The following ADISSP variants were observed in gnomAD, a reference collection of about 807,000 sequenced individuals.
ADISSP encodes the protein adipose-secreted signaling protein.
the ADISSP span, among the ~76,000 whole-genome samples, chr20:3,757,352 GA>G: frequency 3.4e-5 from 5 of 147,342 alleles, no homozygotes; most frequent in East Asian, 2.0e-4. Flanking sequence ...GTCTCAAAAA[GA>G]AAAAAAAAAG....
the ADISSP span, chr20:3,758,818 AC>A: frequency 1.3e-6 from 1 of 765,942 alleles, no homozygotes; most frequent in African/African-American, 1.8e-5. The surrounding 1 kb of genome is among the most constrained non-coding windows in gnomAD (Gnocchi z 5.5). Context: ...CTAGATGGAC[AC>A]TAGGATCATG....
At chr20:3,765,932 C>T in the ADISSP span, among the ~76,000 whole-genome samples, 1 of 152,164 alleles carries the variant, frequency 6.6e-6, no homozygotes, top group East Asian at 1.9e-4. Context: ...GGAGTGTCAG[C>T]AAGCTTCCAG....
chr20:3,756,439 GGGTGCC>G, the ADISSP span, among the ~76,000 whole-genome samples: 8 of 23,148 alleles, frequency 3.5e-4, no homozygotes, highest in African/African-American at 1.0e-3. Flanking sequence ...GGGCTGGTGG[GGGTGCC>G]ACGCCAGCAG....
At chr20:3,759,874 CAGGGGTCCTGCT>C in the ADISSP span, 2 of 754,358 alleles carry the variant, frequency 2.7e-6, no homozygotes, top group East Asian at 5.2e-5. The surrounding 1 kb of genome is among the most constrained non-coding windows in gnomAD (Gnocchi z 4.6). Context: ...CAGGGCTCTG[CAGGGGTCCTGCT>C]AGGGCTTGCG....
At chr20:3,766,981 G>A in the ADISSP span, among the ~76,000 whole-genome samples, 1 of 152,082 alleles carries the variant, frequency 6.6e-6, no homozygotes, top group Non-Finnish European at 1.5e-5. Context: ...CACCGGGAGG[G>A]AGGTGCAGCC....
At chr20:3,766,799 T>G in the ADISSP span, among the ~76,000 whole-genome samples, 1 of 152,102 alleles carries the variant, frequency 6.6e-6, no homozygotes, top group Non-Finnish European at 1.5e-5. Context: ...GGGAGAGGGA[T>G]GGGGTGCTGC....
chr20:3,764,017 G>C, the ADISSP span, among the ~76,000 whole-genome samples: 42 of 152,326 alleles, frequency 2.8e-4, no homozygotes, highest in East Asian at 7.0e-3. Flanking sequence ...GGTGCAGGAA[G>C]TGGAGCTACA....
the ADISSP span, among the ~76,000 whole-genome samples, chr20:3,762,712 T>C: frequency 1.3e-5 from 2 of 152,238 alleles, no homozygotes; most frequent in African/African-American, 4.8e-5. Flanking sequence ...ACTTACATGT[T>C]GTCTGTTTTT....
At chr20:3,753,886 AGG>A in the ADISSP span, 1 of 613,406 alleles carries the variant, frequency 1.6e-6, no homozygotes, top group South Asian at 1.9e-5. Context: ...AGGACGAGGG[AGG>A]GGCAGGGTGG....
the ADISSP span, among the ~76,000 whole-genome samples, chr20:3,754,879 G>A: frequency 6.6e-6 from 1 of 152,190 alleles, no homozygotes; most frequent in African/African-American, 2.4e-5. Context: ...GCAGGGCAGG[G>A]TAGGCTTTGA....
chr20:3,760,791 C>T, the ADISSP span, among the ~76,000 whole-genome samples: 1 of 152,202 alleles, frequency 6.6e-6, no homozygotes, highest in South Asian at 2.1e-4. Flanking sequence ...CCCTGAGTCT[C>T]AGGCCTGCCT....
At chr20:3,764,717 G>A in the ADISSP span, among the ~76,000 whole-genome samples, 1 of 152,222 alleles carries the variant, frequency 6.6e-6, no homozygotes, top group African/African-American at 2.4e-5. Flanking sequence ...GCTGTGTTTG[G>A]TTTATGTTTG....
chr20:3,759,032 C>T, the ADISSP span, among the ~76,000 whole-genome samples: 1 of 152,318 alleles, frequency 6.6e-6, no homozygotes, highest in South Asian at 2.1e-4. The surrounding 1 kb of genome is among the most constrained non-coding windows in gnomAD (Gnocchi z 4.6). Flanking sequence ...CCTCTGGATA[C>T]CCTGCCCAGT....
the ADISSP span, among the ~76,000 whole-genome samples, chr20:3,760,409 G>A: frequency 3.3e-5 from 5 of 152,178 alleles, no homozygotes; most frequent in African/African-American, 1.2e-4. Flanking sequence ...GTGACTCAGG[G>A]TCCTGCCAGC....
the ADISSP span, among the ~76,000 whole-genome samples, chr20:3,761,378 C>T: frequency 6.6e-6 from 1 of 151,778 alleles, no homozygotes; most frequent in South Asian, 2.1e-4. Context: ...TCTTGTCACC[C>T]AGGCTGGGAT....
chr20:3,758,747 C>T, the ADISSP span: 64 of 1,499,582 alleles, frequency 4.3e-5, no homozygotes, highest in Non-Finnish European at 5.5e-5. This position sits in a 1 kb window ranked among gnomAD's most constrained non-coding sequence, Gnocchi z 5.5. Flanking sequence ...CTTGTCCCCT[C>T]GTCACCCCCA....
the ADISSP span, among the ~76,000 whole-genome samples, chr20:3,760,995 A>C: frequency 2.1e-4 from 32 of 152,180 alleles, no homozygotes; most frequent in Non-Finnish European, 4.4e-4. Flanking sequence ...CAAAACAAAC[A>C]AACCCAAGCC....
At chr20:3,760,978 G>A in the ADISSP span, among the ~76,000 whole-genome samples, 2 of 152,156 alleles carry the variant, frequency 1.3e-5, no homozygotes, top group African/African-American at 4.8e-5. Context: ...GAAAAGAAGA[G>A]AGAAAGCAAA....
At chr20:3,757,865 C>T in the ADISSP span, among the ~76,000 whole-genome samples, 38 of 152,028 alleles carry the variant, frequency 2.5e-4, no homozygotes, top group African/African-American at 6.5e-4. Context: ...TTTTGAGCAG[C>T]GCAGCAGACC....
Sources: allele counts gnomAD v4.1 joint callset (sites outside exome capture counted in the v4.1 genomes callset), GRCh38; gene constraint gnomAD v4.1.1; non-coding constraint Gnocchi (gnomAD v3.1); transcripts MANE v1.5; gene names NCBI Gene and HGNC (gene_info 2026-07-23, HGNC 2026-07-21).